Variants in LY6S observed in about 807,000 individuals in gnomAD.
The protein encoded by LY6S is lymphocyte antigen 6S.
the LY6S span, among the ~76,000 whole-genome samples, chr8:143,070,447 T>TAC: frequency 2.8e-4 from 8 of 28,364 alleles, no homozygotes; most frequent in African/African-American, 2.4e-3. Flanking sequence ...ATATATATTG[T>TAC]ATATATATAT....
the LY6S span, among the ~76,000 whole-genome samples, chr8:143,076,111 T>C: frequency 2.0e-5 from 3 of 152,232 alleles, no homozygotes; most frequent in Non-Finnish European, 4.4e-5. Flanking sequence ...CTGGTGCCTG[T>C]GTGTTTGACT....
At chr8:143,049,048 C>T in the LY6S span, among the ~76,000 whole-genome samples, 229 of 152,186 alleles carry the variant, frequency 1.5e-3, 1 homozygote, top group African/African-American at 5.3e-3. Context: ...AGACTTCCAG[C>T]GCCCGTGAGA....
At chr8:143,057,440 G>C in the LY6S span, 1 of 537,362 alleles carries the variant, frequency 1.9e-6, no homozygotes, top group Admixed American at 2.6e-5. Flanking sequence ...AGTAGAAACA[G>C]GGTTTCACCA....
the LY6S span, among the ~76,000 whole-genome samples, chr8:143,071,976 C>A: frequency 6.6e-6 from 1 of 152,208 alleles, no homozygotes; most frequent in African/African-American, 2.4e-5. Flanking sequence ...CTAACACAAC[C>A]TCCCTTCACA....
chr8:143,053,459 CT>C, the LY6S span: 7 of 152,168 alleles, frequency 4.6e-5, no homozygotes, highest in African/African-American at 1.7e-4. Context: ...CTTTCCATGA[CT>C]ACCAAACGCT....
At chr8:143,070,373 A>G in the LY6S span, among the ~76,000 whole-genome samples, 1 of 126,522 alleles carries the variant, frequency 7.9e-6, no homozygotes, top group Non-Finnish European at 1.6e-5. Flanking sequence ...TGATATATAT[A>G]TATAAATATA....
the LY6S span, among the ~76,000 whole-genome samples, chr8:143,071,971 A>C: frequency 5.5e-4 from 84 of 152,314 alleles, 1 homozygote; most frequent in Admixed American, 5.5e-3. Flanking sequence ...ACCATCTAAC[A>C]CAACCTCCCT....
At chr8:143,068,051 G>T in the LY6S span, among the ~76,000 whole-genome samples, 2 of 152,158 alleles carry the variant, frequency 1.3e-5, no homozygotes, top group Non-Finnish European at 2.9e-5. Flanking sequence ...GTGTTGGGCT[G>T]GGGGATGTAA....
At chr8:143,059,368 G>A in the LY6S span, among the ~76,000 whole-genome samples, 2 of 151,912 alleles carry the variant, frequency 1.3e-5, no homozygotes, top group Non-Finnish European at 2.9e-5. Context: ...TTTTGGGTAG[G>A]CTGTGAGGTT....
chr8:143,065,328 G>A, the LY6S span, among the ~76,000 whole-genome samples: 1 of 152,110 alleles, frequency 6.6e-6, no homozygotes, highest in Non-Finnish European at 1.5e-5. Context: ...CTCCCCTGGG[G>A]AACAGGACAG....
chr8:143,044,859 T>G, the LY6S span: 1 of 1,311,204 alleles, frequency 7.6e-7, no homozygotes, highest in Non-Finnish European at 1.0e-6. Flanking sequence ...ACCAATGCCC[T>G]GGTGAGAGTC....
the LY6S span, among the ~76,000 whole-genome samples, chr8:143,048,992 G>A: frequency 2.0e-4 from 30 of 152,250 alleles, no homozygotes; most frequent in Middle Eastern, 6.8e-3. Context: ...CTGATGAGAC[G>A]TTGGGCCCCC....
At chr8:143,057,609 C>T in the LY6S span, 1 of 1,287,162 alleles carries the variant, frequency 7.8e-7, no homozygotes. Flanking sequence ...AGAGGGTCCC[C>T]AGTCAGGTCA....
chr8:143,049,235 C>G, the LY6S span: 2 of 534,786 alleles, frequency 3.7e-6, no homozygotes, highest in Non-Finnish European at 7.7e-6. Flanking sequence ...CGGGAACCAC[C>G]TTCTCTACTC....
At chr8:143,043,209 G>A in the LY6S span, 7 of 1,367,508 alleles carry the variant, frequency 5.1e-6, no homozygotes, top group Admixed American at 1.9e-5. Flanking sequence ...CAGGACCACC[G>A]CATTGCAGAG....
chr8:143,050,850 C>T, the LY6S span, among the ~76,000 whole-genome samples: 6 of 152,202 alleles, frequency 3.9e-5, no homozygotes, highest in Admixed American at 2.6e-4. Context: ...CACCAAACAA[C>T]AGATGCCCAC....
chr8:143,066,531 C>T, the LY6S span: 1 of 285,546 alleles, frequency 3.5e-6, no homozygotes, highest in Non-Finnish European at 7.0e-6. Flanking sequence ...AGCGAATCGG[C>T]TGCACATGGC....
the LY6S span, chr8:143,057,174 CT>C: frequency 2.7e-4 from 95 of 347,664 alleles, no homozygotes; most frequent in Non-Finnish European, 4.5e-4. Flanking sequence ...CCAACACCCC[CT>C]TTTTTCTGGT....
At chr8:143,047,233 G>A in the LY6S span, among the ~76,000 whole-genome samples, 10 of 151,312 alleles carry the variant, frequency 6.6e-5, no homozygotes, top group African/African-American at 1.2e-4. Flanking sequence ...TCTGCCTCCC[G>A]GGTTCAAGTG....
Sources: allele counts gnomAD v4.1 joint callset (sites outside exome capture counted in the v4.1 genomes callset), GRCh38; gene constraint gnomAD v4.1.1; transcripts MANE v1.5; gene names NCBI Gene and HGNC (gene_info 2026-07-23, HGNC 2026-07-21).